IDE: variants seen among roughly 807,000 people sequenced by gnomAD.
IDE encodes insulin-degrading enzyme.
Under a neutral mutation model 133.2 loss-of-function variants are expected in IDE, and 58 were observed. The ratio of observed to expected loss-of-function variants is 0.44; its 90% CI spans 0.35 to 0.54. The LOEUF (loss-of-function observed/expected upper bound fraction) is 0.54. Among genes scored for constraint, IDE ranks in the 20% least tolerant of loss-of-function variants. The pLI is 0.00. For missense variants in IDE, 981 were observed against 1,234.0 expected, an observed-to-expected ratio of 0.79 and a Z score of 3.07; for synonymous variants, 396 against 421.3, an observed-to-expected ratio of 0.94 and a Z score of 0.73.
At chr10:92,474,775 G>A (rs1846157260) in intron 17 of IDE, 66 bp downstream of exon 17, 2 of 1,460,208 alleles carry the variant, frequency 1.4e-6, no homozygotes, top group Non-Finnish European at 9.4e-7. Context: ...GTCAATATCA[G>A]AATAAACCAA....
At chr10:92,462,795 A>G (rs977353190) in intron 21 of IDE, among the ~76,000 whole-genome samples, 1 of 152,240 alleles carries the variant, frequency 6.6e-6, no homozygotes, top group Non-Finnish European at 1.5e-5. Context: ...TAAGGGCTGC[A>G]GTGAGAATTA....
intron 11 of IDE, among the ~76,000 whole-genome samples, chr10:92,494,854 G>A (rs1349295864): frequency 4.6e-5 from 7 of 152,116 alleles, no homozygotes; most frequent in Non-Finnish European, 1.0e-4. Flanking sequence ...ACACAGAATA[G>A]GGAAAAGATG....
chr10:92,501,936 T>C (rs1216529709), intron 11 of IDE, among the ~76,000 whole-genome samples: 1 of 151,886 alleles, frequency 6.6e-6, no homozygotes, highest in African/African-American at 2.4e-5. Context: ...GATTGCACCA[T>C]TGCACTTCCA....
intron 12 of IDE, among the ~76,000 whole-genome samples, chr10:92,488,093 C>T (rs1217574319): frequency 6.6e-6 from 1 of 151,290 alleles, no homozygotes; most frequent in African/African-American, 2.4e-5. Flanking sequence ...CCATGCCCGG[C>T]CTCACTTCAG....
At chr10:92,471,129 G>T (rs1376689173) in intron 17 of IDE, among the ~76,000 whole-genome samples, 2 of 152,068 alleles carry the variant, frequency 1.3e-5, no homozygotes, top group Middle Eastern at 3.2e-3. Context: ...TCCATTGGTA[G>T]TTATTGCCTG....
intron 14 of IDE, among the ~76,000 whole-genome samples, chr10:92,481,687 C>A (rs1256222794): frequency 1.3e-5 from 2 of 152,098 alleles, no homozygotes; most frequent in African/African-American, 4.8e-5. Flanking sequence ...TATAGACACA[C>A]ACATGAAAAT....
chr10:92,511,095 A>AC (rs1223761186), intron 5 of IDE, among the ~76,000 whole-genome samples: 2 of 150,728 alleles, frequency 1.3e-5, no homozygotes, highest in Non-Finnish European at 3.0e-5. Flanking sequence ...AAAAAAAAAA[A>AC]AAAAAACTTT....
intron 18 of IDE, 123 bp downstream of exon 18, chr10:92,470,131 G>A: frequency 1.7e-6 from 1 of 587,198 alleles, no homozygotes; most frequent in South Asian, 2.9e-5. Context: ...CAGAGCAAGA[G>A]GGTTGAGTAA....
At chr10:92,490,890 A>G (rs943674152) in intron 11 of IDE, among the ~76,000 whole-genome samples, 1 of 152,104 alleles carries the variant, frequency 6.6e-6, no homozygotes, top group Non-Finnish European at 1.5e-5. Flanking sequence ...TAGCTAGGGG[A>G]AAAAAATGTA....
chr10:92,502,411 C>G (rs977435038), intron 11 of IDE, among the ~76,000 whole-genome samples: 5 of 151,990 alleles, frequency 3.3e-5, no homozygotes, highest in African/African-American at 7.3e-5. Flanking sequence ...GCTTTTGTTG[C>G]TATTATAAAT....
intron 1 of IDE, among the ~76,000 whole-genome samples, chr10:92,568,362 T>C (rs1843646956): frequency 6.6e-6 from 1 of 152,148 alleles, no homozygotes; most frequent in South Asian, 2.1e-4. Flanking sequence ...TGAATGATGT[T>C]AAATGAAAGT....
intron 11 of IDE, among the ~76,000 whole-genome samples, chr10:92,504,033 T>C (rs1848168423): frequency 6.6e-6 from 1 of 152,118 alleles, no homozygotes; most frequent in Non-Finnish European, 1.5e-5. Flanking sequence ...AGATTTTTTT[T>C]TTTTTACAAA....
At chr10:92,510,592 T>C (rs1366612675) in intron 5 of IDE, among the ~76,000 whole-genome samples, 1 of 151,782 alleles carries the variant, frequency 6.6e-6, no homozygotes, top group African/African-American at 2.4e-5. Context: ...TTGACACGTA[T>C]GAAGGACTCC....
chr10:92,484,058 G>A lies in IDE; in HGVS notation c.1657-721C>T, dbSNP rs1034074979. Among the ~76,000 whole-genome samples, 78 of 152,100 alleles carry A rather than the reference G, an allele frequency of 5.1e-4. 3 individuals are homozygous for A. Among genetic ancestry groups the A allele is most frequent in the East Asian group, 1.9e-3 (10 of 5,188 alleles). ...GCCAACAGCTTGACTATAACCTCAC[G>A]ACAAGCCCTGAGCCAGAACTACCCA... On this transcript the variant is annotated intron_variant, in intron 13 of 24. Transcript: ENST00000265986.
At chr10:92,558,114 G>A (rs11187066) in intron 1 of IDE, among the ~76,000 whole-genome samples, 9,202 of 151,876 alleles carry the variant, frequency 0.061, 385 homozygotes, top group African/African-American at 0.1. Flanking sequence ...GTGCAAAGGC[G>A]TGATCTCAGC....
intron 14 of IDE, among the ~76,000 whole-genome samples, chr10:92,480,302 A>G (rs539873043): frequency 6.6e-6 from 1 of 152,368 alleles, no homozygotes; most frequent in Admixed American, 6.5e-5. Flanking sequence ...TGCTTACTAC[A>G]GTGCCAGGCT....
intron 12 of IDE, among the ~76,000 whole-genome samples, chr10:92,489,716 AAT>A (rs1488888902): frequency 6.6e-6 from 1 of 152,158 alleles, no homozygotes; most frequent in Non-Finnish European, 1.5e-5. Flanking sequence ...CTGTATCATG[AAT>A]ATGTCAGAGA....
intron 12 of IDE, among the ~76,000 whole-genome samples, chr10:92,488,367 G>T (rs917437688): frequency 6.6e-6 from 1 of 152,132 alleles, no homozygotes; most frequent in African/African-American, 2.4e-5. Context: ...AAAGTGCTAG[G>T]ATTACAGACA....
At position 92,508,096 on chromosome 10, in the gene IDE, G is replaced by A; in HGVS notation, c.1153+17C>T. The stretch of plus-strand genomic sequence containing the variant: ...GTAAATTTTCATTCAAAAGTAAAAA[G>A]GTGAATCAATACTTACATAATCCTT... On this transcript the variant is annotated intron_variant, in intron 8 of 24. Coordinates refer to ENST00000265986, the MANE Select transcript of IDE (RefSeq NM_004969.4). 1 of 1,541,462 alleles carries A rather than the reference G, an allele frequency of 6.5e-7. No homozygotes were observed. The highest frequency in any genetic ancestry group is 8.9e-7 in the Non-Finnish European group (1 of 1,119,670).
Sources: allele counts gnomAD v4.1 joint callset (sites outside exome capture counted in the v4.1 genomes callset), GRCh38; gene constraint gnomAD v4.1.1; transcripts MANE v1.5; gene names NCBI Gene and HGNC (gene_info 2026-07-23, HGNC 2026-07-21).